SHQ1: variants seen among roughly 807,000 people sequenced by gnomAD.
SHQ1 encodes the protein protein SHQ1 homolog.
SHQ1 carries 49 observed loss-of-function variants against 53.8 expected under a neutral mutation model. The observed-to-expected ratio is 0.91, with a 90% CI of 0.72 to 1.16. The LOEUF (loss-of-function observed/expected upper bound fraction) is 1.16. Ranked by LOEUF, SHQ1 falls within the 50% of genes most tolerant of loss-of-function variation. The pLI is 0.00. For synonymous variants in SHQ1, 243 were observed against 251.0 expected, an observed-to-expected ratio of 0.97 and a Z score of 0.30; for missense variants, 738 against 683.1, an observed-to-expected ratio of 1.08 and a Z score of -0.90.
In SHQ1 at chr3:72,847,277, A is replaced by G. The variant is rs192501461; in HGVS notation, c.143+921T>C. Reference sequence around the variant, plus strand: ...GTGAAAAAACCACCTTGACTGGTGGAGAAGGTTTGTACCACAAAAGTACTT... The same window carrying G: ...GTGAAAAAACCACCTTGACTGGTGGGGAAGGTTTGTACCACAAAAGTACTT... On this transcript the variant is annotated intron_variant, in intron 1 of 10. Transcript: ENST00000325599. 1.5e-3 allele frequency among the ~76,000 whole-genome samples: 222 copies of G among 152,322 alleles called. 2 individuals are homozygous for G. Among genetic ancestry groups the G allele is most frequent in the African/African-American group, 4.5e-3 (187 of 41,568 alleles).
At chr3:72,734,823 C>A in the SHQ1 span, among the ~76,000 whole-genome samples, 7 of 151,724 alleles carry the variant, frequency 4.6e-5, no homozygotes, top group Non-Finnish European at 7.4e-5. Context: ...TGCATTTTAA[C>A]TCTTACTGTC....
At chr3:72,778,546 T>C (rs1299228285) in intron 10 of SHQ1, among the ~76,000 whole-genome samples, 1 of 152,202 alleles carries the variant, frequency 6.6e-6, no homozygotes, top group Non-Finnish European at 1.5e-5. Context: ...TGTAATTGTA[T>C]ACACTTAATT....
At chr3:72,758,567 C>CTTTTT (rs869225766) in intron 10 of SHQ1, among the ~76,000 whole-genome samples, 1 of 126,114 alleles carries the variant, frequency 7.9e-6, no homozygotes, top group African/African-American at 3.0e-5. Context: ...ACTATTTTTT[C>CTTTTT]TTTTTTTTTT....
the SHQ1 span, among the ~76,000 whole-genome samples, chr3:72,731,960 G>A: frequency 1.3e-5 from 2 of 151,614 alleles, no homozygotes; most frequent in East Asian, 3.9e-4. Context: ...CTTCTTCCCT[G>A]GAAGCCACTT....
chr3:72,811,938 T>G (rs915830846), intron 9 of SHQ1, among the ~76,000 whole-genome samples: 1 of 152,160 alleles, frequency 6.6e-6, no homozygotes, highest in Admixed American at 6.5e-5. Flanking sequence ...AAAAGTGACT[T>G]TTAAATAAAT....
At chr3:72,728,344 G>A in the SHQ1 span, among the ~76,000 whole-genome samples, 6 of 152,152 alleles carry the variant, frequency 3.9e-5, no homozygotes, top group African/African-American at 1.4e-4. Context: ...CCCACACCAC[G>A]TACCAACAGG....
intron 6 of SHQ1, among the ~76,000 whole-genome samples, chr3:72,823,616 T>C (rs1707553889): frequency 2.0e-5 from 3 of 152,172 alleles, no homozygotes; most frequent in African/African-American, 7.2e-5. Flanking sequence ...CATACTAATA[T>C]GGAAGATGTG....
intron 6 of SHQ1, among the ~76,000 whole-genome samples, chr3:72,824,064 A>C (rs74847710): frequency 0.03 from 4,530 of 152,288 alleles, 196 homozygotes; most frequent in African/African-American, 0.089. Context: ...ACTAATACTC[A>C]AATGTCCTTA....
At chr3:72,751,529 T>TACACACACACTAATAAAGCCTA (rs1467497305) in intron 10 of SHQ1, among the ~76,000 whole-genome samples, 1 of 137,994 alleles carries the variant, frequency 7.2e-6, no homozygotes, top group African/African-American at 2.9e-5. Flanking sequence ...TATATATATA[T>TACACACACACTAATAAAGCCTA]ACATATACAT....
rs192727713 is a variant in SHQ1 at position 72,836,447 on chromosome 3, C to A, written c.487-3966G>T. On this transcript the variant is annotated intron_variant, in intron 4 of 10. Transcript: ENST00000325599. Reference sequence around the variant, plus strand: ...GAGCTTGCAGTGAGCTGAGATCACGCCACTGCACTCCAGCCTGGGCAACAA... The same window carrying A: ...GAGCTTGCAGTGAGCTGAGATCACGACACTGCACTCCAGCCTGGGCAACAA... Among the ~76,000 whole-genome samples, 339 of 152,104 alleles carry A rather than the reference C, an allele frequency of 2.2e-3. 8 individuals carry two copies. Among genetic ancestry groups the A allele is most frequent in the Non-Finnish European group, 4.9e-4 (33 of 67,970 alleles).
rs112981058 is a variant in SHQ1, at chr3:72,824,287, C to T, written c.727+137G>A. 1.6e-5 allele frequency: 17 copies of T among 1,053,776 alleles called. 1 individual carries two copies. The highest frequency in any genetic ancestry group is 1.2e-4 in the African/African-American group (7 of 58,886). 65.3% of individuals were successfully genotyped at this position (1,053,776 alleles called of 1,614,324 possible). A position where few individuals can be genotyped will look rare whatever the true frequency, so the allele number is the denominator to read the frequency against. On this transcript the variant is annotated intron_variant, in intron 6 of 10. Coordinates refer to ENST00000325599, the MANE Select transcript of SHQ1 (RefSeq NM_018130.3). ...CAGTCAGGGGCAAAGAAGTCATTTC[C>T]AAAATTAGCAATTCAAACTCATATT...
At chr3:72,729,526 G>T in the SHQ1 span, among the ~76,000 whole-genome samples, 1 of 152,164 alleles carries the variant, frequency 6.6e-6, no homozygotes, top group Non-Finnish European at 1.5e-5. Flanking sequence ...AAAGGCATTG[G>T]CTCGAAATAA....
intron 8 of SHQ1, among the ~76,000 whole-genome samples, chr3:72,813,881 G>A (rs1187431185): frequency 1.3e-5 from 1 of 77,556 alleles, no homozygotes; most frequent in Non-Finnish European, 2.5e-5. Context: ...ACATTTACTT[G>A]AGTAATTTGC....
At chr3:72,806,084 C>T (rs72891654) in intron 9 of SHQ1, among the ~76,000 whole-genome samples, 1,697 of 152,018 alleles carry the variant, frequency 0.011, 34 homozygotes, top group African/African-American at 0.039. Flanking sequence ...AGTATAAACC[C>T]GCAAATGCTC....
intron 10 of SHQ1, among the ~76,000 whole-genome samples, chr3:72,753,804 A>G (rs1705440909): frequency 6.6e-6 from 1 of 152,214 alleles, no homozygotes; most frequent in African/African-American, 2.4e-5. Flanking sequence ...CGGCTGCAAC[A>G]TAATTTGCAT....
intron 10 of SHQ1, among the ~76,000 whole-genome samples, chr3:72,772,364 T>C (rs1000176310): frequency 3.9e-5 from 6 of 152,092 alleles, no homozygotes; most frequent in Admixed American, 3.9e-4. Context: ...CGGTGTGGAA[T>C]CCAACTCAGC....
intron 4 of SHQ1, among the ~76,000 whole-genome samples, chr3:72,835,024 T>C (rs956965237): frequency 3.9e-5 from 6 of 152,050 alleles, no homozygotes; most frequent in East Asian, 1.9e-4. Context: ...CTAGGAGAGA[T>C]TGTTTGTCCA....
intron 10 of SHQ1, among the ~76,000 whole-genome samples, chr3:72,770,479 T>A (rs920266936): frequency 2.0e-5 from 3 of 152,166 alleles, no homozygotes; most frequent in African/African-American, 7.2e-5. Context: ...AGGGCCTGGT[T>A]TGAGCCAGAC....
chr3:72,787,114 A>G (rs1231730428), intron 10 of SHQ1, among the ~76,000 whole-genome samples: 3 of 152,230 alleles, frequency 2.0e-5, no homozygotes, highest in Non-Finnish European at 2.9e-5. Context: ...TGACTTATGA[A>G]ATGACAGATA....
Sources: allele counts gnomAD v4.1 joint callset (sites outside exome capture counted in the v4.1 genomes callset), GRCh38; gene constraint gnomAD v4.1.1; transcripts MANE v1.5; gene names NCBI Gene and HGNC (gene_info 2026-07-23, HGNC 2026-07-21).